NIM1K: variants seen among roughly 807,000 people sequenced by gnomAD.
NIM1K encodes NIM1 serine/threonine protein kinase.
In NIM1K, 35 loss-of-function variants were observed where a neutral mutation model predicts 37.1. The ratio of observed to expected loss-of-function variants is 0.94; its 90% CI spans 0.72 to 1.25. NIM1K has a LOEUF of 1.25. Among genes scored for constraint, NIM1K ranks in the 50% most tolerant of loss-of-function variants. The pLI, the probability that NIM1K is intolerant of heterozygous loss-of-function variation, is 0.00. For synonymous variants in NIM1K, 234 were observed against 206.6 expected (o/e 1.13, Z -1.14); for missense variants, 564 against 548.0 (o/e 1.03, Z -0.29).
intron 2 of NIM1K, among the ~76,000 whole-genome samples, chr5:43,272,015 G>A (rs945465381): frequency 6.6e-6 from 1 of 152,072 alleles, no homozygotes; most frequent in African/African-American, 2.4e-5. Flanking sequence ...CATTTTTATT[G>A]CTGAGTGGTA....
At position 43,280,572 on chromosome 5, in the gene NIM1K, G is replaced by C; in HGVS notation, c.1154G>C (p.Gly385Ala). 6.2e-7 allele frequency: 1 copy of C among 1,614,088 alleles called. No individual in the cohort carries two copies. The highest frequency in any genetic ancestry group is 8.5e-7 in the Non-Finnish European group (1 of 1,180,018). ...AGAGATGCTCGCAGCTCAATCACAG[G>C]GGTCTATAGAATTATTTTACATAGA... ...QGRDARSSIT[G>A]VYRIILHRVQ... The change falls in exon 4 of 4, where the codon GGG becomes GCG. Residue 385 changes from glycine (G) to alanine (A), a missense_variant. Gly to Ala is a moderately conservative substitution (Grantham distance 60). Transcript: ENST00000326035.
intron 1 of NIM1K, among the ~76,000 whole-genome samples, chr5:43,243,946 T>G (rs1342575785): frequency 6.6e-6 from 1 of 152,194 alleles, no homozygotes; most frequent in Non-Finnish European, 1.5e-5. Context: ...AACCTAGAGA[T>G]GTGCTTAGTT....
chr5:43,279,161 T>C (rs528070602), intron 3 of NIM1K, among the ~76,000 whole-genome samples: 1 of 152,342 alleles, frequency 6.6e-6, no homozygotes, highest in Middle Eastern at 3.4e-3. Context: ...AGTTTGTTTA[T>C]ATGCCAAGAC....
chr5:43,196,225 T>G (rs1751912184), intron 1 of NIM1K, among the ~76,000 whole-genome samples: 1 of 152,236 alleles, frequency 6.6e-6, no homozygotes, highest in Non-Finnish European at 1.5e-5. Context: ...GGATAATATA[T>G]GGATACACTT....
chr5:43,199,204 A>AAAAAAATATAT (rs1200134957), intron 1 of NIM1K, among the ~76,000 whole-genome samples: 2 of 94,060 alleles, frequency 2.1e-5, no homozygotes, highest in Non-Finnish European at 4.1e-5. Flanking sequence ...AAAAAAAAAA[A>AAAAAAATATAT]ATATATATAT....
intron 2 of NIM1K, among the ~76,000 whole-genome samples, chr5:43,255,290 T>C (rs924224218): frequency 6.6e-6 from 1 of 152,228 alleles, no homozygotes; most frequent in African/African-American, 2.4e-5. Flanking sequence ...CAAATACTTG[T>C]TGAGCACCTA....
intron 1 of NIM1K, among the ~76,000 whole-genome samples, chr5:43,222,111 C>T (rs762419584): frequency 1.4e-4 from 22 of 152,210 alleles, no homozygotes; most frequent in Non-Finnish European, 3.2e-4. Flanking sequence ...GGTGCTGCTT[C>T]TGAGGTCCTG....
chr5:43,261,142 G>A (rs1356725532), intron 2 of NIM1K, among the ~76,000 whole-genome samples: 4 of 152,072 alleles, frequency 2.6e-5, no homozygotes, highest in Non-Finnish European at 4.4e-5. Flanking sequence ...GGGATGGCTG[G>A]GTCAAATGGT....
intron 1 of NIM1K, among the ~76,000 whole-genome samples, chr5:43,234,425 C>A (rs375341183): frequency 1.3e-5 from 2 of 152,214 alleles, no homozygotes; most frequent in South Asian, 4.2e-4. Flanking sequence ...GTGTATAGAA[C>A]ATTACAACTC....
chr5:43,243,653 AC>A (rs1272797932), intron 1 of NIM1K, among the ~76,000 whole-genome samples: 2 of 151,980 alleles, frequency 1.3e-5, no homozygotes, highest in African/African-American at 2.4e-5. Flanking sequence ...CTAATTAAGG[AC>A]CTTTACCTTT....
At chr5:43,196,329 T>C (rs1347550038) in intron 1 of NIM1K, among the ~76,000 whole-genome samples, 4 of 152,164 alleles carry the variant, frequency 2.6e-5, no homozygotes, top group African/African-American at 9.7e-5. Flanking sequence ...TATGAGAGTA[T>C]ATTAAAAGCT....
At chr5:43,199,966 C>T (rs13157814) in intron 1 of NIM1K, among the ~76,000 whole-genome samples, 1 of 151,288 alleles carries the variant, frequency 6.6e-6, no homozygotes, top group Non-Finnish European at 1.5e-5. Flanking sequence ...ACCTCTGCCT[C>T]CCGGGTTCAA....
At position 43,213,283 on chromosome 5, in the gene NIM1K, TCC is replaced by T. The variant is rs1491124442; in HGVS notation, c.-695+20873_-695+20874del. Among the ~76,000 whole-genome samples the T allele has an allele frequency of 4.1e-3, 78 of 18,908 alleles. 1 individual carries two copies. The highest frequency in any genetic ancestry group is 7.5e-3 in the East Asian group (1 of 134). 12.4% of individuals were successfully genotyped at this position (18,908 alleles called of 152,430 possible). A position where few individuals can be genotyped will look rare whatever the true frequency, so the allele number is the denominator to read the frequency against. ...TTCTTGTTTCTTTTTCTTTCTTGTT[TCC>T]TTTCCTTTTCTTTTCTTTTCTTTTC... is the stretch of plus-strand genomic sequence containing the variant. On this transcript the variant is annotated intron_variant, in intron 1 of 3. Coordinates refer to ENST00000326035, the MANE Select transcript of NIM1K (RefSeq NM_153361.4).
At chr5:43,234,071 T>C (rs1238786719) in intron 1 of NIM1K, among the ~76,000 whole-genome samples, 1 of 152,234 alleles carries the variant, frequency 6.6e-6, no homozygotes, top group East Asian at 1.9e-4. Flanking sequence ...TGGTTTCACA[T>C]GTTGTAATGT....
chr5:43,237,406 A>T (rs1752637395), intron 1 of NIM1K, among the ~76,000 whole-genome samples: 2 of 152,178 alleles, frequency 1.3e-5, no homozygotes, highest in African/African-American at 2.4e-5. Flanking sequence ...CAGTGATGTG[A>T]CTCCATAATT....
Position 43,222,368 on chromosome 5 carries a change from A to G in NIM1K, c.-694-22714A>G, listed in dbSNP as rs553396702. ...AAACTATTAGTGATAGACTAAGGCA[A>G]CTGAGAGAAAACCTGTGGTATTCCA... On this transcript the variant is annotated intron_variant, in intron 1 of 3. Coordinates refer to ENST00000326035, the MANE Select transcript of NIM1K (RefSeq NM_153361.4). Among the ~76,000 whole-genome samples the G allele has an allele frequency of 1.8e-4, 28 of 152,312 alleles. 1 individual carries two copies. The highest frequency in any genetic ancestry group is 6.7e-4 in the African/African-American group (28 of 41,576).
At chr5:43,247,349 G>A (rs551634041) in intron 2 of NIM1K, among the ~76,000 whole-genome samples, 4 of 152,154 alleles carry the variant, frequency 2.6e-5, no homozygotes, top group Admixed American at 6.5e-5. Flanking sequence ...TACTTCATAC[G>A]GTATCATAAG....
At chr5:43,265,852 C>T (rs1371040604) in intron 2 of NIM1K, among the ~76,000 whole-genome samples, 3 of 152,230 alleles carry the variant, frequency 2.0e-5, no homozygotes, top group South Asian at 2.1e-4. Context: ...ACAGACAGGA[C>T]CCTCAGCTGC....
intron 2 of NIM1K, among the ~76,000 whole-genome samples, chr5:43,262,337 T>G (rs1401620422): frequency 6.6e-6 from 1 of 152,168 alleles, no homozygotes; most frequent in Non-Finnish European, 1.5e-5. Flanking sequence ...CCCTTGTAAG[T>G]TGGATTCCTA....
Sources: gnomAD v4.1 joint callset for allele counts (sites outside exome capture counted in the v4.1 genomes callset) on GRCh38, gnomAD v4.1.1 for gene constraint, MANE v1.5 for transcripts, NCBI Gene and HGNC (gene_info 2026-07-23, HGNC 2026-07-21) for gene names.